The following DYSF variants were observed in gnomAD, a reference collection of about 807,000 sequenced individuals.
The protein encoded by DYSF is dystrophy-associated fer-1-like 1.
DYSF carries 212 observed loss-of-function variants against 274.9 expected under a neutral mutation model. That is an observed-to-expected ratio of 0.77 (90% CI 0.69 to 0.86). The LOEUF is 0.86. Ranked by LOEUF, DYSF falls within the 40% of genes least tolerant of loss-of-function variation. The pLI is 0.00. For missense variants in DYSF, 2,666 were observed against 2,783.2 expected, an observed-to-expected ratio of 0.96 and a Z score of 0.95; for synonymous variants, 1,091 against 1,078.7, an observed-to-expected ratio of 1.01 and a Z score of -0.22.
chr2:71,649,117 A>G (rs1327741956), intron 42 of DYSF, among the ~76,000 whole-genome samples: 2 of 144,164 alleles, frequency 1.4e-5, no homozygotes, highest in African/African-American at 2.6e-5. Context: ...AGCCTGGATA[A>G]TAGAGCAAGA....
chr2:71,681,919 G>A (rs2095301197), intron 54 of DYSF, among the ~76,000 whole-genome samples: 1 of 152,210 alleles, frequency 6.6e-6, no homozygotes, highest in Non-Finnish European at 1.5e-5. Context: ...GCTGGGATCT[G>A]CACAGGAAGA....
intron 4 of DYSF, among the ~76,000 whole-genome samples, chr2:71,509,428 C>T (rs369726979): frequency 3.3e-5 from 5 of 152,278 alleles, no homozygotes; most frequent in African/African-American, 1.2e-4. Context: ...TCCCAAAGTG[C>T]TGGGATTATA....
intron 17 of DYSF, among the ~76,000 whole-genome samples, chr2:71,541,958 G>A (rs2089963819): frequency 6.6e-6 from 1 of 152,140 alleles, no homozygotes; most frequent in Admixed American, 6.6e-5. Context: ...TCTGAGACAT[G>A]ATGAATTCTT....
intron 43 of DYSF, among the ~76,000 whole-genome samples, chr2:71,657,421 A>G (rs1412252803): frequency 6.6e-6 from 1 of 152,040 alleles, no homozygotes; most frequent in Non-Finnish European, 1.5e-5. Flanking sequence ...TGGTGGATTT[A>G]CCATTCTAGG....
chr2:71,508,256 C>T (rs1363706244), intron 4 of DYSF, among the ~76,000 whole-genome samples: 1 of 152,216 alleles, frequency 6.6e-6, no homozygotes, highest in Non-Finnish European at 1.5e-5. Context: ...TCATTCTGAA[C>T]TCGAGTGTGT....
rs775337850 is a variant in DYSF at position 71,568,219 on chromosome 2, G to C, written c.2745G>C (p.Thr915=). ...KLALVGNWGT[T]GLTYPKFSDV... is the part of the protein sequence containing the mutation. ...CCCTTGTTGGGAACTGGGGCACAAC[G>C]GGCCTCACCTACCCCAAGTTTTCTG... Residue 915 remains threonine, a synonymous_variant, in exon 26 of 56, where the codon ACG becomes ACC. Coordinates refer to ENST00000410020, the MANE Select transcript of DYSF (RefSeq NM_001130987.2). 6.2e-7 allele frequency: 1 copy of C among 1,614,244 alleles called. No homozygotes were observed. The highest frequency in any genetic ancestry group is 8.5e-7 in the Non-Finnish European group (1 of 1,180,052).
At chr2:71,558,248 G>T (rs1354655019) in intron 22 of DYSF, among the ~76,000 whole-genome samples, 1 of 152,128 alleles carries the variant, frequency 6.6e-6, no homozygotes, top group African/African-American at 2.4e-5. Flanking sequence ...GGGCATGGGG[G>T]CTGTGCTCTG....
intron 12 of DYSF, among the ~76,000 whole-genome samples, chr2:71,524,770 C>G (rs991099588): frequency 2.6e-5 from 4 of 152,372 alleles, no homozygotes; most frequent in Non-Finnish European, 5.9e-5. Flanking sequence ...GATGCCTCCA[C>G]CTGTTGCTCA....
At chr2:71,561,191 G>A (rs2091730405) in intron 22 of DYSF, among the ~76,000 whole-genome samples, 1 of 152,198 alleles carries the variant, frequency 6.6e-6, no homozygotes, top group African/African-American at 2.4e-5. Flanking sequence ...AGTGTTCTGG[G>A]AAGGGTTCTG....
At chr2:71,660,476 C>G in intron 44 of DYSF, 84 bp from the exon 45 acceptor site, 1 of 1,192,438 alleles carries the variant, frequency 8.4e-7, no homozygotes, top group Non-Finnish European at 1.3e-6. Context: ...GCTCCCTCAT[C>G]CCATCCAGAG....
intron 6 of DYSF, 25 bp from the exon 7 acceptor site, chr2:71,513,691 C>T: frequency 4.3e-6 from 7 of 1,611,926 alleles, no homozygotes; most frequent in South Asian, 2.2e-5. Context: ...GGGATCCAGG[C>T]CTCATTAGGG....
At chr2:71,525,776 C>T (rs1418390091) in intron 12 of DYSF, among the ~76,000 whole-genome samples, 1 of 152,218 alleles carries the variant, frequency 6.6e-6, no homozygotes, top group African/African-American at 2.4e-5. Flanking sequence ...ATATCCCCTG[C>T]CCTTCAGCAC....
chr2:71,650,640 T>C (rs1387374264), intron 42 of DYSF, among the ~76,000 whole-genome samples: 1 of 152,134 alleles, frequency 6.6e-6, no homozygotes, highest in African/African-American at 2.4e-5. Context: ...AAGAAAACTT[T>C]AATAAATTTC....
At chr2:71,528,225 A>T in intron 13 of DYSF, 73 bp from the exon 14 acceptor site, 1 of 1,361,030 alleles carries the variant, frequency 7.3e-7, no homozygotes, top group Non-Finnish European at 1.0e-6. Context: ...CTGCCTGGAG[A>T]CAGATGGGGG....
intron 40 of DYSF, among the ~76,000 whole-genome samples, chr2:71,617,879 G>GT (rs2093938263): frequency 4.8e-5 from 1 of 20,684 alleles, no homozygotes; most frequent in African/African-American, 1.4e-4. Context: ...GTAGAGGTGG[G>GT]GTGTGTGTGG....
chr2:71,613,221 T>A (rs1472833151), intron 39 of DYSF, 113 bp from the exon 40 acceptor site: 1 of 890,428 alleles, frequency 1.1e-6, no homozygotes, highest in Non-Finnish European at 1.8e-6. Context: ...GACTGAGAAA[T>A]GTGGAGAGAC....
intron 10 of DYSF, among the ~76,000 whole-genome samples, chr2:71,519,811 GTTTTTTTT>G (rs70959241): frequency 8.8e-5 from 9 of 102,286 alleles, no homozygotes; most frequent in Non-Finnish European, 1.1e-4. Flanking sequence ...CACCCGGCTA[GTTTTTTTT>G]TTTTTTTTTT....
intron 41 of DYSF, among the ~76,000 whole-genome samples, chr2:71,620,896 G>A (rs1002430003): frequency 2.0e-5 from 3 of 152,056 alleles, no homozygotes; most frequent in Non-Finnish European, 4.4e-5. Context: ...CAGTGGAAGC[G>A]GGGAAATCTC....
chr2:71,566,426 G>A (rs145869775), intron 24 of DYSF, among the ~76,000 whole-genome samples: 3 of 140,428 alleles, frequency 2.1e-5, no homozygotes, highest in East Asian at 2.4e-4. Context: ...TATGAGCCCC[G>A]CCAGTAGCTC....
Sources: allele counts gnomAD v4.1 joint callset (sites outside exome capture counted in the v4.1 genomes callset), GRCh38; gene constraint gnomAD v4.1.1; transcripts MANE v1.5; gene names NCBI Gene and HGNC (gene_info 2026-07-23, HGNC 2026-07-21).